The following FMN2 variants were observed in gnomAD, a reference collection of about 807,000 sequenced individuals.
FMN2 encodes formin-2.
FMN2 carries 51 observed loss-of-function variants against 142.3 expected under a neutral mutation model. That is an observed-to-expected ratio of 0.36 (90% CI 0.29 to 0.45). FMN2 has a LOEUF of 0.45. Among genes scored for constraint, FMN2 ranks in the 20% least tolerant of loss-of-function variants. The pLI, the probability that FMN2 is intolerant of heterozygous loss-of-function variation, is 1.00. For missense variants in FMN2, 1,936 were observed against 2,122.8 expected (o/e 0.91, Z 1.73); for synonymous variants, 882 against 869.8 (o/e 1.01, Z -0.25).
chr1:240,143,292 A>G, intron 2 of FMN2: 1 of 1,535,304 alleles, frequency 6.5e-7, no homozygotes, highest in Non-Finnish European at 9.0e-7. Context: ...GATTTGAAAC[A>G]GAGATGAGGG....
At chr1:240,197,756 G>C (rs1350127415) in intron 4 of FMN2, among the ~76,000 whole-genome samples, 2 of 143,638 alleles carry the variant, frequency 1.4e-5, no homozygotes, top group African/African-American at 3.0e-5. Flanking sequence ...AGGAACCTGG[G>C]TACCTCCCAG....
chr1:240,109,875 A>T (rs1197348237), intron 1 of FMN2, among the ~76,000 whole-genome samples: 5 of 152,070 alleles, frequency 3.3e-5, no homozygotes, highest in Non-Finnish European at 7.4e-5. Context: ...TATTATTATT[A>T]TTAGTTAAGG....
At chr1:240,443,986 G>A (rs1558110292) in intron 16 of FMN2, among the ~76,000 whole-genome samples, 1 of 152,148 alleles carries the variant, frequency 6.6e-6, no homozygotes, top group Admixed American at 6.5e-5. Flanking sequence ...TTAAAAGAAA[G>A]AGATACAGAT....
rs1441177054 is a variant in FMN2, at chr1:240,473,655, T to G, written c.5143-473T>G. On this transcript the variant is annotated intron_variant, in intron 17 of 17. Transcript: ENST00000319653. The surrounding 1 kb of genome is among the most constrained non-coding windows in gnomAD (Gnocchi z 4.3). The stretch of plus-strand genomic sequence containing the variant: ...AATGATCTTATCTAATGATAACTAC[T>G]ACATGATAGTTCAGCTTATCTTCTG... Among the ~76,000 whole-genome samples the G allele has an allele frequency of 2.0e-5, 3 of 152,224 alleles. No individual in the cohort carries two copies. The highest frequency in any genetic ancestry group is 7.2e-5 in the African/African-American group (3 of 41,466).
At chr1:240,332,615 ATTAAT>A (rs1395417137) in intron 11 of FMN2, among the ~76,000 whole-genome samples, 1 of 152,196 alleles carries the variant, frequency 6.6e-6, no homozygotes, top group African/African-American at 2.4e-5. Context: ...GTTAAATTTC[ATTAAT>A]TTAAATAATC....
Position 240,093,191 on chromosome 1 carries a change from C to T in FMN2, c.1082C>T (p.Ser361Phe). 6.8e-7 allele frequency: 1 copy of T among 1,476,896 alleles called. No homozygotes were observed. The highest frequency in any genetic ancestry group is 9.0e-7 in the Non-Finnish European group (1 of 1,116,526). The allele number at this position is 1,476,896 out of a possible 1,614,324, so 91.5% of individuals were successfully genotyped here. The change falls in exon 1 of 18, where the codon TCT becomes TTT. Residue 361 changes from serine (S) to phenylalanine (F), a missense_variant. Ser to Phe is a radical substitution (Grantham distance 155, BLOSUM62 -2). Coordinates refer to ENST00000319653, the MANE Select transcript of FMN2 (RefSeq NM_020066.5). ...GCTTTTGAGGATGCGCCCCGGGGCT[C>T]TCCGGGGGAGGAGTGGGCCCCGGAG... is the stretch of plus-strand genomic sequence containing the variant. ...EDAFEDAPRG[S>F]PGEEWAPEVG...
chr1:240,136,804 G>T (rs1439420363), intron 2 of FMN2, among the ~76,000 whole-genome samples: 1 of 152,216 alleles, frequency 6.6e-6, no homozygotes, highest in East Asian at 1.9e-4. Context: ...CTGGTGCGGT[G>T]GCTCACACCT....
chr1:240,241,876 G>A (rs1200783343), intron 6 of FMN2, among the ~76,000 whole-genome samples: 3 of 125,002 alleles, frequency 2.4e-5, no homozygotes, highest in Admixed American at 1.0e-4. Context: ...TCGCTCTGTC[G>A]CCCAGGCTGG....
chr1:240,455,791 C>A (rs1676219536), intron 16 of FMN2, among the ~76,000 whole-genome samples: 1 of 151,972 alleles, frequency 6.6e-6, no homozygotes, highest in Non-Finnish European at 1.5e-5. Flanking sequence ...GCCTGACCAA[C>A]AAAGTGAAAC....
intron 2 of FMN2, among the ~76,000 whole-genome samples, chr1:240,149,876 T>C (rs1313709733): frequency 6.6e-6 from 1 of 152,204 alleles, no homozygotes; most frequent in Non-Finnish European, 1.5e-5. Flanking sequence ...AGCGAAAGCT[T>C]TATAGATTTT....
chr1:240,339,427 G>T (rs981702963), intron 13 of FMN2, among the ~76,000 whole-genome samples: 1 of 151,734 alleles, frequency 6.6e-6, no homozygotes, highest in Non-Finnish European at 1.5e-5. Context: ...GTATATATAG[G>T]TTTCAGTACC....
At chr1:240,289,238 C>T (rs1185025812) in intron 7 of FMN2, among the ~76,000 whole-genome samples, 1 of 152,162 alleles carries the variant, frequency 6.6e-6, no homozygotes, top group Non-Finnish European at 1.5e-5. Context: ...CCATCAAGCA[C>T]AGCCCTGAGA....
intron 4 of FMN2, among the ~76,000 whole-genome samples, chr1:240,196,168 T>A (rs1228106369): frequency 6.6e-6 from 1 of 151,842 alleles, no homozygotes; most frequent in Admixed American, 6.6e-5. Flanking sequence ...GAGCCATGAG[T>A]TTTTGAGGAA....
At chr1:240,323,273 C>T (rs1424636558) in intron 8 of FMN2, among the ~76,000 whole-genome samples, 1 of 151,926 alleles carries the variant, frequency 6.6e-6, no homozygotes, top group Non-Finnish European at 1.5e-5. Context: ...CGGCTCACTG[C>T]AACCTGCACC....
intron 2 of FMN2, among the ~76,000 whole-genome samples, chr1:240,148,971 CAAAA>C (rs57556688): frequency 4.9e-5 from 7 of 143,848 alleles, no homozygotes; most frequent in Non-Finnish European, 1.1e-4. Flanking sequence ...GACTCCGTCT[CAAAA>C]AAAAATAAAT....
chr1:240,092,973 G>T lies in FMN2; in HGVS notation c.864G>T (p.Arg288=). The T allele has an allele frequency of 1.4e-6, 2 of 1,409,154 alleles. No individual in the cohort carries two copies. Among genetic ancestry groups the T allele is most frequent in the Non-Finnish European group, 1.8e-6 (2 of 1,090,142 alleles). 87.3% of individuals were successfully genotyped at this position (1,409,154 alleles called of 1,614,324 possible). A position where few individuals can be genotyped will look rare whatever the true frequency, so the allele number is the denominator to read the frequency against. The stretch of plus-strand genomic sequence containing the variant: ...CCGAGAGCCTGGCCGCCGAGCCCCG[G>T]GAGCCCCAGCAACCGCCGTCCCCCG... ...DLPESLAAEP[R]EPQQPPSPGG... Residue 288 remains arginine (R), a synonymous_variant, in exon 1 of 18, where the codon CGG becomes CGT. Transcript: ENST00000319653.
At chr1:240,310,592 T>C (rs756486214) in intron 8 of FMN2, among the ~76,000 whole-genome samples, 9 of 152,202 alleles carry the variant, frequency 5.9e-5, no homozygotes, top group Admixed American at 3.3e-4. Context: ...CAAAAATCAT[T>C]ACAGTTTATT....
chr1:240,147,864 T>C (rs1006276526), intron 2 of FMN2, among the ~76,000 whole-genome samples: 5 of 152,152 alleles, frequency 3.3e-5, no homozygotes, highest in African/African-American at 1.2e-4. Flanking sequence ...TTCTGGAAAG[T>C]CTGATTGACT....
chr1:240,207,034 C>A lies in FMN2; in HGVS notation c.2222C>A (p.Ala741Glu). 6.2e-7 allele frequency: 1 copy of A among 1,614,122 alleles called. No individual in the cohort carries two copies. Among genetic ancestry groups the A allele is most frequent in the Non-Finnish European group, 8.5e-7 (1 of 1,179,998 alleles). The change falls in exon 5 of 18, where the codon GCG (alanine) becomes GAG (glutamate). Residue 741 changes from alanine to glutamate, a missense_variant. Coordinates refer to ENST00000319653, the MANE Select transcript of FMN2 (RefSeq NM_020066.5). Reference sequence around the variant, plus strand: ...GTACGGCATCATAGGATTTTAGAGGCGAAATCGATACAGACTTCCCCCACG... The same window carrying A: ...GTACGGCATCATAGGATTTTAGAGGAGAAATCGATACAGACTTCCCCCACG... ...KEVRHHRILE[A>E]KSIQTSPTEE...
Sources: gnomAD v4.1 joint callset for allele counts (sites outside exome capture counted in the v4.1 genomes callset) on GRCh38, gnomAD v4.1.1 for gene constraint, Gnocchi (gnomAD v3.1) non-coding constraint, MANE v1.5 for transcripts, NCBI Gene and HGNC (gene_info 2026-07-23, HGNC 2026-07-21) for gene names.